PTPRD: variants seen among roughly 807,000 people sequenced by gnomAD.
PTPRD encodes the protein protein tyrosine phosphatase receptor type D.
Under a neutral mutation model 214.5 loss-of-function variants are expected in PTPRD, and 34 were observed. The ratio of observed to expected loss-of-function variants is 0.16; its 90% CI spans 0.12 to 0.21. The LOEUF (loss-of-function observed/expected upper bound fraction) is 0.21, where lower values mean the gene tolerates loss of function less well. Among genes scored for constraint, PTPRD ranks in the 10% least tolerant of loss-of-function variants. The pLI is 1.00. For synonymous variants in PTPRD, 1,128 were observed against 845.7 expected, an observed-to-expected ratio of 1.33 and a Z score of -5.79; for missense variants, 2,545 against 2,398.7, an observed-to-expected ratio of 1.06 and a Z score of -1.27.
chr9:8,519,771 TTTTA>T (rs2097854321), intron 20 of PTPRD, among the ~76,000 whole-genome samples: 1 of 152,184 alleles, frequency 6.6e-6, no homozygotes, highest in Non-Finnish European at 1.5e-5. Context: ...CACTCTTATG[TTTTA>T]TTTGTTTATT....
intron 10 of PTPRD, among the ~76,000 whole-genome samples, chr9:9,149,176 A>C (rs2099873622): frequency 6.6e-6 from 1 of 152,200 alleles, no homozygotes; most frequent in Non-Finnish European, 1.5e-5. Flanking sequence ...CCTCAGGTTC[A>C]TGTCTATCTA....
intron 7 of PTPRD, among the ~76,000 whole-genome samples, chr9:9,706,855 G>T (rs1242005967): frequency 6.6e-6 from 1 of 152,148 alleles, no homozygotes; most frequent in East Asian, 1.9e-4. Flanking sequence ...GAGGTAGGTA[G>T]TGCTGCTGGA....
chr9:9,889,924 T>C (rs942500626), intron 5 of PTPRD, among the ~76,000 whole-genome samples: 3 of 151,954 alleles, frequency 2.0e-5, no homozygotes, highest in African/African-American at 7.2e-5. Flanking sequence ...GTAGGCACTT[T>C]CCTGAAGAAC....
intron 2 of PTPRD, among the ~76,000 whole-genome samples, chr9:10,578,161 C>G (rs968519452): frequency 2.6e-5 from 4 of 151,968 alleles, no homozygotes; most frequent in African/African-American, 9.7e-5. Context: ...CCACCTGCCT[C>G]GGCCTCCCAA....
At position 10,070,336 on chromosome 9, in the gene PTPRD, G is replaced by A. The variant is rs377522451; in HGVS notation, c.-544-36546C>T. ...AGAAATGACAAAGTCAAAGATAGAG[G>A]ATTATAAAGTTTTTCTCTAACCTTT... is the stretch of plus-strand genomic sequence containing the variant. On this transcript the variant is annotated intron_variant, in intron 3 of 45. Transcript: ENST00000381196. Among the ~76,000 whole-genome samples the A allele has an allele frequency of 7.6e-4, 116 of 152,044 alleles. 2 individuals are homozygous for A. In the South Asian group the frequency reaches 0.022, roughly 29 times the overall value.
chr9:10,013,905 T>C (rs532970800), intron 4 of PTPRD, among the ~76,000 whole-genome samples: 356 of 152,102 alleles, frequency 2.3e-3, no homozygotes, highest in Admixed American at 3.6e-3. Flanking sequence ...TGTATAGCTC[T>C]CAAAATTTAG....
intron 41 of PTPRD, among the ~76,000 whole-genome samples, chr9:8,340,824 A>C (rs1173693017): frequency 2.0e-5 from 3 of 152,140 alleles, no homozygotes; most frequent in African/African-American, 4.8e-5. Context: ...AATTTATGAA[A>C]TATGGTACAA....
chr9:10,465,547 C>T (rs536386250), intron 2 of PTPRD, among the ~76,000 whole-genome samples: 1 of 151,958 alleles, frequency 6.6e-6, no homozygotes, highest in Non-Finnish European at 1.5e-5. Flanking sequence ...AAGATTATAC[C>T]GGAACTGAAA....
intron 11 of PTPRD, among the ~76,000 whole-genome samples, chr9:8,817,926 G>C (rs1297580474): frequency 2.0e-5 from 3 of 152,150 alleles, no homozygotes; most frequent in Non-Finnish European, 2.9e-5. Flanking sequence ...ACTACAGTTA[G>C]TTGCTCAGGG....
chr9:10,103,661 C>G lies in PTPRD; in HGVS notation c.-544-69871G>C, dbSNP rs564261443. Among the ~76,000 whole-genome samples the G allele has an allele frequency of 1.1e-4, 16 of 151,408 alleles. No homozygotes were observed. The South Asian group carries it at 1.7e-3, about 16-fold the overall frequency. On this transcript the variant is annotated intron_variant, in intron 3 of 45. Transcript: ENST00000381196. Reference sequence around the variant, plus strand: ...AGGGTTCATTGTCTCTCCTTGATCCCTCCCCACCACTGAGTTCTATTAGAT... The same window carrying G: ...AGGGTTCATTGTCTCTCCTTGATCCGTCCCCACCACTGAGTTCTATTAGAT...
chr9:10,431,525 C>A (rs1276436789), intron 2 of PTPRD, among the ~76,000 whole-genome samples: 1 of 151,786 alleles, frequency 6.6e-6, no homozygotes, highest in Admixed American at 6.6e-5. Context: ...AAAATTTTCG[C>A]AACCTACTCA....
At chr9:9,954,308 A>AAAAAAAC (rs1555389066) in intron 4 of PTPRD, among the ~76,000 whole-genome samples, 1,653 of 140,106 alleles carry the variant, frequency 0.012, 21 homozygotes, top group Non-Finnish European at 0.021. Context: ...AAAAAAAAAA[A>AAAAAAAC]AAAAAAAAAA....
At chr9:8,569,035 T>C (rs1564412693) in intron 14 of PTPRD, among the ~76,000 whole-genome samples, 2 of 152,130 alleles carry the variant, frequency 1.3e-5, no homozygotes, top group Admixed American at 6.6e-5. Flanking sequence ...ATGTTTGTTG[T>C]CAATGTTTTA....
At chr9:8,342,913 C>G (rs919035427) in intron 39 of PTPRD, among the ~76,000 whole-genome samples, 3 of 152,020 alleles carry the variant, frequency 2.0e-5, no homozygotes, top group African/African-American at 7.2e-5. Flanking sequence ...ACTTGAAGGA[C>G]AGGAAGGATG....
At chr9:9,480,381 C>G (rs553872454) in intron 8 of PTPRD, among the ~76,000 whole-genome samples, 2 of 152,186 alleles carry the variant, frequency 1.3e-5, no homozygotes, top group South Asian at 2.1e-4. Flanking sequence ...AAGCTGAAAG[C>G]ATATTTGAAA....
chr9:10,111,229 CTTTTTTTTTTTT>C (rs34045121), intron 3 of PTPRD, among the ~76,000 whole-genome samples: 17 of 72,192 alleles, frequency 2.4e-4, no homozygotes, highest in African/African-American at 8.6e-4. Context: ...AGTTTAGTTT[CTTTTTTTTTTTT>C]TTTTTTTTTT....
At chr9:9,940,481 G>A (rs117169357) in intron 4 of PTPRD, among the ~76,000 whole-genome samples, 7 of 152,086 alleles carry the variant, frequency 4.6e-5, no homozygotes, top group African/African-American at 1.7e-4. Context: ...TACTTAATGG[G>A]GTTTGAAATT....
chr9:10,304,045 C>T (rs935098049), intron 3 of PTPRD, among the ~76,000 whole-genome samples: 7 of 152,148 alleles, frequency 4.6e-5, no homozygotes, highest in Non-Finnish European at 1.0e-4. Flanking sequence ...TCCAGCAGCA[C>T]ATCAAAACGC....
At chr9:9,890,780 G>A (rs1156736613) in intron 5 of PTPRD, among the ~76,000 whole-genome samples, 1 of 152,018 alleles carries the variant, frequency 6.6e-6, no homozygotes, top group African/African-American at 2.4e-5. Context: ...ATTGGAAGGG[G>A]AAAGCAGGCG....
Sources: allele counts gnomAD v4.1 joint callset (sites outside exome capture counted in the v4.1 genomes callset), GRCh38; gene constraint gnomAD v4.1.1; transcripts MANE v1.5; gene names NCBI Gene and HGNC (gene_info 2026-07-23, HGNC 2026-07-21).